The following IRAK1BP1 variants were observed in gnomAD, a reference collection of about 807,000 sequenced individuals.
IRAK1BP1 encodes interleukin-1 receptor-associated kinase 1-binding protein 1.
Under a neutral mutation model 28.0 loss-of-function variants are expected in IRAK1BP1, and 24 were observed. That is an observed-to-expected ratio of 0.86 (90% CI 0.62 to 1.20). The LOEUF is 1.20. IRAK1BP1 is among the 50% of genes most tolerant of loss of function. The probability of loss-of-function intolerance (pLI) is 0.00; values close to 1 mark genes in which losing one functional copy is unlikely to be tolerated. For missense variants in IRAK1BP1, 336 were observed against 316.7 expected, an observed-to-expected ratio of 1.06 and a Z score of -0.46; for synonymous variants, 131 against 116.3, an observed-to-expected ratio of 1.13 and a Z score of -0.81.
At chr6:78,970,214 T>C in the IRAK1BP1 span, 66 of 1,568,846 alleles carry the variant, frequency 4.2e-5, 1 homozygote, top group South Asian at 5.9e-4. Context: ...CTTTACAAAA[T>C]AAACCACAAA....
At chr6:78,881,820 A>G (rs1288516707) in intron 1 of IRAK1BP1, among the ~76,000 whole-genome samples, 2 of 152,146 alleles carry the variant, frequency 1.3e-5, no homozygotes, top group African/African-American at 4.8e-5. Flanking sequence ...AAATAAGTGG[A>G]TAGTGGATGG....
chr6:78,907,866 C>G (rs1772299645), downstream of IRAK1BP1, among the ~76,000 whole-genome samples: 1 of 151,336 alleles, frequency 6.6e-6, no homozygotes. Flanking sequence ...ACTACAGGCG[C>G]ATGCCTCCAG....
intron 4 of IRAK1BP1, among the ~76,000 whole-genome samples, chr6:78,912,584 T>A (rs549331220): frequency 6.6e-6 from 1 of 152,166 alleles, no homozygotes; most frequent in African/African-American, 2.4e-5. Flanking sequence ...TGAGCTGCAG[T>A]GATACAAAGG....
Position 78,899,267 on chromosome 6 carries a change from A to G in IRAK1BP1, c.*933A>G, listed in dbSNP as rs979822721. On this transcript the variant is annotated 3_prime_UTR_variant, in exon 4 of 4. Transcript: ENST00000369940. ...AAGGTCTTTCATGCTTGCCACACCC[A>G]GCAATATGTTTAGGAAGGTGAAGTC... 6.6e-6 allele frequency: 1 copy of G among 152,186 alleles called. No homozygotes were observed. The highest frequency in any genetic ancestry group is 1.5e-5 in the Non-Finnish European group (1 of 68,050). The allele number at this position is 152,186 out of a possible 1,614,324, so 9.4% of individuals were successfully genotyped here.
chr6:78,945,713 A>C, exon 5 of IRAK1BP1: 1 of 601,324 alleles, frequency 1.7e-6, no homozygotes, highest in Admixed American at 2.6e-5. Context: ...TCATTTCAAA[A>C]TTTCGAAGGC....
intron 4 of IRAK1BP1, among the ~76,000 whole-genome samples, chr6:78,910,895 C>A (rs887109237): frequency 3.9e-5 from 6 of 152,266 alleles, no homozygotes; most frequent in African/African-American, 1.4e-4. Flanking sequence ...GGCGTTAGCA[C>A]CCCAAGACGC....
At chr6:78,942,102 A>T (rs1427421423) in intron 4 of IRAK1BP1, among the ~76,000 whole-genome samples, 1 of 152,174 alleles carries the variant, frequency 6.6e-6, no homozygotes, top group East Asian at 1.9e-4. Flanking sequence ...TTTTGAGGAA[A>T]TTCATAGATG....
At chr6:78,937,856 G>C (rs1773332523) in intron 4 of IRAK1BP1, 1 of 151,706 alleles carries the variant, frequency 6.6e-6, no homozygotes, top group Admixed American at 6.6e-5. Context: ...GAGAATGTTG[G>C]AGTTGAGGGA....
At chr6:78,914,424 G>A (rs1772504356) in intron 4 of IRAK1BP1, among the ~76,000 whole-genome samples, 1 of 152,142 alleles carries the variant, frequency 6.6e-6, no homozygotes, top group African/African-American at 2.4e-5. Flanking sequence ...TGCATACCAG[G>A]GTTATTGGTA....
the IRAK1BP1 span, chr6:78,963,033 CAG>C: frequency 9.8e-6 from 14 of 1,427,430 alleles, no homozygotes; most frequent in Non-Finnish European, 1.3e-5. Flanking sequence ...TGGAGAATAA[CAG>C]TATTTTTCCA....
In IRAK1BP1 at chr6:78,890,412, G is replaced by C. The variant is rs1409573463; in HGVS notation, c.381+4969G>C. Among the ~76,000 whole-genome samples the C allele has an allele frequency of 4.7e-5, 5 of 107,166 alleles. No individual in the cohort carries two copies. In the Admixed American group the frequency reaches 4.7e-4, roughly 10 times the overall value. 70.3% of individuals were successfully genotyped at this position (107,166 alleles called of 152,430 possible). On this transcript the variant is annotated intron_variant, in intron 2 of 3. Coordinates refer to ENST00000369940, the MANE Select transcript of IRAK1BP1 (RefSeq NM_001010844.4). ...ATGTATCCCAGAACTTAAAGTATAA[G>C]TTAAAAAAAAAAAAAGTCCAAAAAG...
the IRAK1BP1 span, chr6:78,970,026 T>C: frequency 2.7e-5 from 44 of 1,610,522 alleles, no homozygotes; most frequent in East Asian, 4.0e-4. Flanking sequence ...AAGAAAACCA[T>C]TGCCTCTTTC....
intron 4 of IRAK1BP1, among the ~76,000 whole-genome samples, chr6:78,908,192 A>C (rs896559857): frequency 6.6e-6 from 1 of 151,746 alleles, no homozygotes; most frequent in Admixed American, 6.6e-5. Context: ...CTGGGAATAC[A>C]GGTGCCCGCC....
chr6:78,937,973 G>C (rs1289733855), intron 4 of IRAK1BP1: 1 of 151,518 alleles, frequency 6.6e-6, no homozygotes, highest in Non-Finnish European at 1.5e-5. Context: ...TGTTTTTATT[G>C]CTTACCTAAG....
At chr6:78,941,524 G>A (rs1345331880) in intron 4 of IRAK1BP1, among the ~76,000 whole-genome samples, 1 of 151,960 alleles carries the variant, frequency 6.6e-6, no homozygotes, top group African/African-American at 2.4e-5. Context: ...AAAAGAGACA[G>A]ATTCTTAACG....
intron 2 of IRAK1BP1, among the ~76,000 whole-genome samples, chr6:78,887,644 C>T (rs2321895): frequency 0.33 from 50,351 of 151,722 alleles, 9,873 homozygotes; most frequent in East Asian, 0.69. Flanking sequence ...CCAGCCTGGG[C>T]GACAGAGCAA....
the IRAK1BP1 span, among the ~76,000 whole-genome samples, chr6:78,965,268 T>C: frequency 6.6e-6 from 1 of 152,054 alleles, no homozygotes; most frequent in African/African-American, 2.4e-5. Flanking sequence ...TACTAAAAAG[T>C]TGGGGTGTGA....
chr6:78,962,474 A>T, the IRAK1BP1 span, among the ~76,000 whole-genome samples: 1 of 152,090 alleles, frequency 6.6e-6, no homozygotes, highest in Non-Finnish European at 1.5e-5. Flanking sequence ...TCAGATTTGA[A>T]TATTCCTCAA....
At chr6:78,974,950 A>G in the IRAK1BP1 span, among the ~76,000 whole-genome samples, 1 of 151,652 alleles carries the variant, frequency 6.6e-6, no homozygotes, top group East Asian at 1.9e-4. Flanking sequence ...AGGTACAAGG[A>G]GGAACTGGTA....
Sources: gnomAD v4.1 joint callset for allele counts (sites outside exome capture counted in the v4.1 genomes callset) on GRCh38, gnomAD v4.1.1 for gene constraint, MANE v1.5 for transcripts, NCBI Gene and HGNC (gene_info 2026-07-23, HGNC 2026-07-21) for gene names.